LARP1B: variants seen among roughly 807,000 people sequenced by gnomAD.
LARP1B encodes the protein la-related protein 1B.
A neutral mutation model predicts 114.2 loss-of-function variants in LARP1B; 76 were observed. The ratio of observed to expected loss-of-function variants is 0.67; its 90% confidence interval spans 0.55 to 0.81. The LOEUF is 0.81. Among genes scored for constraint, LARP1B ranks in the 30% least tolerant of loss-of-function variants. LARP1B has a pLI of 0.00. For missense variants in LARP1B, 1,014 were observed against 1,075.8 expected (o/e 0.94, Z 0.80); for synonymous variants, 345 against 348.0 (o/e 0.99, Z 0.10).
intron 1 of LARP1B, chr4:128,068,897 G>T: frequency 2.2e-6 from 1 of 447,338 alleles, no homozygotes; most frequent in Non-Finnish European, 4.0e-6. Context: ...TTCTTAACTT[G>T]ACAAAGCATT....
At chr4:128,111,804 C>A (rs1288169217) in intron 9 of LARP1B, among the ~76,000 whole-genome samples, 1 of 152,028 alleles carries the variant, frequency 6.6e-6, no homozygotes, top group South Asian at 2.1e-4. Context: ...GCCTCATCCT[C>A]CCAAGTAGCT....
chr4:128,089,113 C>A (rs1774845215), intron 5 of LARP1B, among the ~76,000 whole-genome samples: 1 of 151,868 alleles, frequency 6.6e-6, no homozygotes, highest in African/African-American at 2.4e-5. Context: ...CTGGTTGTCA[C>A]AACTGAGGGA....
At position 128,178,433 on chromosome 4, in the gene LARP1B, TTGAC is replaced by T; in HGVS notation, c.1691_1694del (p.Thr564MetfsTer3). On this transcript the variant is annotated frameshift_variant, in exon 14 of 20. Coordinates refer to ENST00000326639, the MANE Select transcript of LARP1B (RefSeq NM_018078.4). LOFTEE classifies it high-confidence loss of function. ...TTTAAGAGTTTTTTATTTTGCAGAT[TTGAC>T]TGATGAATTAGCTCAGAAGTTATTT... is the stretch of plus-strand genomic sequence containing the variant. 6.2e-7 allele frequency: 1 copy of T among 1,607,762 alleles called. No homozygotes were observed. Among genetic ancestry groups the T allele is most frequent in the Non-Finnish European group, 8.5e-7 (1 of 1,176,422 alleles).
In LARP1B at chr4:128,114,635, ATTC is replaced by A. The variant is rs1347436005; in HGVS notation, c.1058_1060del (p.Leu353del). 1.2e-6 allele frequency: 2 copies of A among 1,613,790 alleles called. No homozygotes were observed. Among genetic ancestry groups the A allele is most frequent in the African/African-American group, 1.3e-5 (1 of 74,932 alleles). On this transcript the variant is annotated inframe_deletion, in exon 10 of 20. Transcript: ENST00000326639. ...CCCAAAGAAAAACAGTGAAACAAGTATTCTTCAAGCAATGTCTAGAGGTTTGTC... is the reference window on the plus strand; with the variant it reads ...CCCAAAGAAAAACAGTGAAACAAGTATTCAAGCAATGTCTAGAGGTTTGTC...
At chr4:128,157,138 T>TA (rs1345239148) in intron 11 of LARP1B, among the ~76,000 whole-genome samples, 1 of 151,986 alleles carries the variant, frequency 6.6e-6, no homozygotes, top group East Asian at 1.9e-4. Flanking sequence ...TTTAATAAGT[T>TA]AAAAAATAAA....
intron 10 of LARP1B, among the ~76,000 whole-genome samples, chr4:128,116,915 T>A (rs1786049687): frequency 7.4e-6 from 1 of 135,456 alleles, no homozygotes; most frequent in Non-Finnish European, 1.6e-5. Context: ...TTTTTTTTCC[T>A]CTTGAGTTTT....
intron 15 of LARP1B, among the ~76,000 whole-genome samples, chr4:128,186,558 T>C (rs1357079650): frequency 6.6e-6 from 1 of 152,250 alleles, no homozygotes; most frequent in Non-Finnish European, 1.5e-5. Flanking sequence ...TAGATTTTTC[T>C]AAATATAATA....
rs1200205770 is a variant in LARP1B at position 128,199,431 on chromosome 4, T to C, written c.2004-8T>C. 19 of 1,493,488 alleles carry C rather than the reference T, an allele frequency of 1.3e-5. No individual in the cohort carries two copies. Among genetic ancestry groups the C allele is most frequent in the Non-Finnish European group, 1.6e-5 (18 of 1,115,824 alleles). The allele number at this position is 1,493,488 out of a possible 1,614,324, so 92.5% of individuals were successfully genotyped here. A position where few individuals can be genotyped will look rare whatever the true frequency, so the allele number is the denominator to read the frequency against. ...ATTTTGAAGGCTTTTTTCCCCTTTC[T>C]CAAACAGCACTTCAAATGCTTCACC... On this transcript the variant is annotated splice_region_variant and splice_polypyrimidine_tract_variant and intron_variant, in intron 15 of 19. Transcript: ENST00000326639.
chr4:128,073,444 A>AAG (rs1561055049), intron 1 of LARP1B, among the ~76,000 whole-genome samples: 11 of 102,662 alleles, frequency 1.1e-4, no homozygotes, highest in African/African-American at 1.5e-4. Context: ...AAAAAAAAAA[A>AAG]AAAGAAAGAA....
chr4:128,082,987 G>C (rs1417569276), intron 5 of LARP1B, among the ~76,000 whole-genome samples: 1 of 151,658 alleles, frequency 6.6e-6, no homozygotes, highest in South Asian at 2.1e-4. Context: ...TTGTGTCCCT[G>C]GGTACTTGAG....
chr4:128,151,608 A>AT (rs899052732), intron 11 of LARP1B, among the ~76,000 whole-genome samples: 114 of 144,468 alleles, frequency 7.9e-4, no homozygotes, highest in African/African-American at 1.1e-3. Context: ...TCAGGTTAAG[A>AT]TTTTTTTTTT....
chr4:128,192,164 G>A (rs951280556), intron 15 of LARP1B, among the ~76,000 whole-genome samples: 24 of 152,082 alleles, frequency 1.6e-4, no homozygotes, highest in African/African-American at 5.8e-4. Context: ...TTAAATTAAG[G>A]TATGTACTTT....
intron 11 of LARP1B, among the ~76,000 whole-genome samples, chr4:128,129,328 G>A (rs1284117686): frequency 3.8e-5 from 5 of 132,476 alleles, no homozygotes; most frequent in Non-Finnish European, 7.8e-5. Context: ...CAGCCTGGGC[G>A]ACAGAGCAAG....
intron 12 of LARP1B, 133 bp downstream of exon 12, chr4:128,162,450 A>G: frequency 1.3e-6 from 1 of 776,702 alleles, no homozygotes; most frequent in Non-Finnish European, 2.0e-6. Context: ...AGAATTTTAA[A>G]ACTCAACTTT....
chr4:128,149,329 T>C (rs549783735), intron 11 of LARP1B, among the ~76,000 whole-genome samples: 1 of 152,278 alleles, frequency 6.6e-6, no homozygotes, highest in East Asian at 1.9e-4. Context: ...ATTGCAGTTT[T>C]TATAAAGAAA....
At chr4:128,190,720 T>G (rs2150784747) in intron 15 of LARP1B, among the ~76,000 whole-genome samples, 1 of 152,326 alleles carries the variant, frequency 6.6e-6, no homozygotes, top group Non-Finnish European at 1.5e-5. Flanking sequence ...CCCAGCCATG[T>G]GGAACTGAGT....
At chr4:128,116,342 A>G (rs778364225) in intron 10 of LARP1B, among the ~76,000 whole-genome samples, 1 of 152,228 alleles carries the variant, frequency 6.6e-6, no homozygotes, top group Non-Finnish European at 1.5e-5. Flanking sequence ...AGATGTTAAC[A>G]TTGGGGGAAA....
chr4:128,213,629 A>G (rs73848747), downstream of LARP1B, among the ~76,000 whole-genome samples: 1,487 of 152,364 alleles, frequency 9.8e-3, 24 homozygotes, highest in African/African-American at 0.033. Flanking sequence ...CCCAAAATTT[A>G]TGAAAGTCCC....
At chr4:128,083,497 C>T (rs1484256331) in intron 5 of LARP1B, among the ~76,000 whole-genome samples, 2 of 149,584 alleles carry the variant, frequency 1.3e-5, no homozygotes, top group African/African-American at 2.5e-5. Flanking sequence ...GGCAGAGGGG[C>T]GCCTCACTTC....
Sources: gnomAD v4.1 joint callset for allele counts (sites outside exome capture counted in the v4.1 genomes callset) on GRCh38, gnomAD v4.1.1 for gene constraint, MANE v1.5 for transcripts, NCBI Gene and HGNC (gene_info 2026-07-23, HGNC 2026-07-21) for gene names.